Variants in AZGP1 observed in about 807,000 individuals in gnomAD.
The protein encoded by AZGP1 is zinc-alpha-2-glycoprotein.
Under a neutral mutation model 31.5 loss-of-function variants are expected in AZGP1, and 28 were observed. That is an observed-to-expected ratio of 0.89 (90% CI 0.66 to 1.22). The LOEUF (loss-of-function observed/expected upper bound fraction) is 1.22, where lower values mean the gene tolerates loss of function less well. Among genes scored for constraint, AZGP1 ranks in the 50% most tolerant of loss-of-function variants. The pLI, the probability that AZGP1 is intolerant of heterozygous loss-of-function variation, is 0.00. For synonymous variants in AZGP1, 135 were observed against 145.4 expected, an observed-to-expected ratio of 0.93 and a Z score of 0.51; for missense variants, 361 against 371.8, an observed-to-expected ratio of 0.97 and a Z score of 0.24.
rs1017238766 is a variant in AZGP1, at chr7:99,967,341, A to G, written c.614-55T>C. 12 of 1,567,354 alleles carry G rather than the reference A, an allele frequency of 7.7e-6. No homozygotes were observed. The African/African-American group carries it at 1.2e-4, about 16-fold the overall frequency. On this transcript the variant is annotated intron_variant, in intron 3 of 3. Transcript: ENST00000292401. ...GCTTGAGGTGGACTTCTCCCGGCCCAGGTCTCTTCCTACCCCCACCCCTGG... is the reference window on the plus strand; with the variant it reads ...GCTTGAGGTGGACTTCTCCCGGCCCGGGTCTCTTCCTACCCCCACCCCTGG...
intron 2 of AZGP1, among the ~76,000 whole-genome samples, chr7:99,969,612 T>C (rs1789547992): frequency 1.3e-5 from 2 of 152,002 alleles, no homozygotes; most frequent in Admixed American, 6.6e-5. Context: ...TATGAATATA[T>C]TTCTATCTCT....
chr7:99,970,499 T>C (rs1484390115), intron 2 of AZGP1, among the ~76,000 whole-genome samples: 1 of 152,128 alleles, frequency 6.6e-6, no homozygotes, highest in Non-Finnish European at 1.5e-5. Flanking sequence ...TGCCTCAGCC[T>C]CCCAAAGTGC....
At chr7:99,974,057 G>A (rs1789620278) in intron 1 of AZGP1, among the ~76,000 whole-genome samples, 1 of 152,014 alleles carries the variant, frequency 6.6e-6, no homozygotes, top group Admixed American at 6.6e-5. Flanking sequence ...TGGATCACTT[G>A]AGGTCAAGAG....
chr7:99,968,757 G>A (rs1455197721), intron 2 of AZGP1: 2 of 314,722 alleles, frequency 6.4e-6, no homozygotes, highest in Non-Finnish European at 1.2e-5. Flanking sequence ...GAGCCCAGGG[G>A]TTCCAGACCA....
rs201056403 is a variant in AZGP1, at chr7:99,968,187, A to G, written c.581T>C (p.Leu194Pro). The change falls in exon 3 of 4, where the codon CTG (leucine) becomes CCG (proline). Residue 194 changes from leucine (L) to proline (P), a missense_variant. Coordinates refer to ENST00000292401, the MANE Select transcript of AZGP1 (RefSeq NM_001185.4). ...GTCCAGGATATTTTTGCTGTATTTCAGGTATTTCCGCAGAGTCGCAGGGCA... is the reference window on the plus strand; with the variant it reads ...GTCCAGGATATTTTTGCTGTATTTCGGGTATTTCCGCAGAGTCGCAGGGCA... ...EECPATLRKY[L>P]KYSKNILDRQ... is the part of the protein sequence containing the mutation. The G allele has an allele frequency of 8.8e-5, 142 of 1,613,936 alleles. No individual in the cohort carries two copies. The highest frequency in any genetic ancestry group is 1.2e-4 in the Non-Finnish European group (139 of 1,180,000).
At position 99,968,561 on chromosome 7, in the gene AZGP1, T is replaced by C; in HGVS notation, c.338-131A>G. ...TTGCAATTCAAGCATGCAATCCCTT[T>C]ATCAAGACAAATAGGTTATTACTCC... is the stretch of plus-strand genomic sequence containing the variant. On this transcript the variant is annotated intron_variant, in intron 2 of 3. Coordinates refer to ENST00000292401, the MANE Select transcript of AZGP1 (RefSeq NM_001185.4). 1.7e-5 allele frequency: 19 copies of C among 1,146,394 alleles called. No homozygotes were observed. In the South Asian group the frequency reaches 2.7e-4, roughly 16 times the overall value. 71.0% of individuals were successfully genotyped at this position (1,146,394 alleles called of 1,614,324 possible).
chr7:99,967,669 A>T, intron 3 of AZGP1: 1 of 400,852 alleles, frequency 2.5e-6, no homozygotes, highest in Non-Finnish European at 4.5e-6. Context: ...TACGTCTCCA[A>T]TCCAAGTCTC....
chr7:99,969,773 G>C (rs563904304), intron 2 of AZGP1, among the ~76,000 whole-genome samples: 1 of 152,128 alleles, frequency 6.6e-6, no homozygotes, highest in Non-Finnish European at 1.5e-5. Flanking sequence ...TTTTCTCTCA[G>C]TTCTAGGAAG....
chr7:99,973,041 C>T (rs918124815), intron 1 of AZGP1, among the ~76,000 whole-genome samples: 2 of 150,682 alleles, frequency 1.3e-5, no homozygotes, highest in African/African-American at 2.4e-5. Flanking sequence ...GGCATGAACC[C>T]GGGAGGCGGA....
intron 2 of AZGP1, among the ~76,000 whole-genome samples, chr7:99,971,047 A>T (rs1025052605): frequency 4.6e-5 from 7 of 152,014 alleles, no homozygotes; most frequent in African/African-American, 1.4e-4. Flanking sequence ...GCTCCAAGGA[A>T]CTCTAACAGC....
At chr7:99,975,041 C>G (rs940352554) in intron 1 of AZGP1, among the ~76,000 whole-genome samples, 1 of 152,126 alleles carries the variant, frequency 6.6e-6, no homozygotes, top group Non-Finnish European at 1.5e-5. Context: ...TAGTGTGAGT[C>G]AATTTCTTAA....
In AZGP1 at chr7:99,967,014, C is replaced by A; in HGVS notation, c.886G>T (p.Glu296Ter). The A allele has an allele frequency of 6.2e-7, 1 of 1,613,580 alleles. No individual in the cohort carries two copies. Among genetic ancestry groups the A allele is most frequent in the African/African-American group, 1.3e-5 (1 of 75,036 alleles). Residue 296 changes from glutamate to a stop codon, truncating the protein, a stop_gained, in exon 4 of 4, where the codon GAG becomes TAG. Transcript: ENST00000292401. LOFTEE classifies it high-confidence loss of function. Reference protein sequence around the residue: ...SLAQPLVVPWEAS With the variant: ...SLAQPLVVPW ...CCAACCCTTGCTTCCTAGCTGGCCTCCCAGGGCACCACGAGGGGCTGGGCC... is the reference window on the plus strand; with the variant it reads ...CCAACCCTTGCTTCCTAGCTGGCCTACCAGGGCACCACGAGGGGCTGGGCC...
intron 1 of AZGP1, among the ~76,000 whole-genome samples, chr7:99,973,746 TC>T (rs1051046673): frequency 1.3e-5 from 2 of 151,296 alleles, no homozygotes; most frequent in African/African-American, 4.9e-5. Flanking sequence ...TGAAACCCCA[TC>T]TCTACTAAAA....
At chr7:99,975,802 G>T in intron 1 of AZGP1, 143 bp downstream of exon 1, 1 of 819,520 alleles carries the variant, frequency 1.2e-6, no homozygotes, top group Non-Finnish European at 2.1e-6. Flanking sequence ...TGTGTGAGCT[G>T]AGGGAGTTGA....
At position 99,968,341 on chromosome 7, in the gene AZGP1, C is replaced by T; in HGVS notation, c.427G>A (p.Asp143Asn). ...ATTTCTTTGTTGAATTCAATGTAGT[C>T]CTTTCCATCATAGTAATATTTCCAG... ...AFWKYYYDGK[D>N]YIEFNKEIPA... Residue 143 changes from aspartate (D) to asparagine (N), a missense_variant, in exon 3 of 4, where the codon GAC becomes AAC. Physicochemically the swap from Asp to Asn is conservative, Grantham distance 23 (BLOSUM62 1). Coordinates refer to ENST00000292401, the MANE Select transcript of AZGP1 (RefSeq NM_001185.4). The T allele has an allele frequency of 6.2e-7, 1 of 1,613,632 alleles. No homozygotes were observed.
At chr7:99,972,616 C>A (rs1789596198) in intron 1 of AZGP1, among the ~76,000 whole-genome samples, 1 of 152,070 alleles carries the variant, frequency 6.6e-6, no homozygotes, top group African/African-American at 2.4e-5. Context: ...AGTTGAAGAC[C>A]AGCCTGGCCA....
At chr7:99,971,706 G>T in intron 2 of AZGP1, 40 bp downstream of exon 2, 1 of 1,593,506 alleles carries the variant, frequency 6.3e-7, no homozygotes. Flanking sequence ...GCTGCCTCTT[G>T]GGTTAGACCT....
Position 99,968,174 on chromosome 7 carries a change from T to C in AZGP1, c.594A>G (p.Lys198=). 1 of 1,613,716 alleles carries C rather than the reference T, an allele frequency of 6.2e-7. No homozygotes were observed. The highest frequency in any genetic ancestry group is 8.5e-7 in the Non-Finnish European group (1 of 1,179,956). The change falls in exon 3 of 4, where the codon AAA becomes AAG. Residue 198 remains lysine (K), a synonymous_variant. Transcript: ENST00000292401. ...GAGTACCTTGCCGGTCCAGGATATT[T>C]TTGCTGTATTTCAGGTATTTCCGCA... ...ATLRKYLKYS[K]NILDRQDPPS...
chr7:99,967,165 C>T lies in AZGP1; in HGVS notation c.735G>A (p.Val245=), dbSNP rs1217314146. 5.0e-6 allele frequency: 8 copies of T among 1,614,170 alleles called. No individual in the cohort carries two copies. The highest frequency in any genetic ancestry group is 6.8e-6 in the Non-Finnish European group (8 of 1,180,034). Residue 245 remains valine (V), a synonymous_variant, in exon 4 of 4, where the codon GTG becomes GTA. Coordinates refer to ENST00000292401, the MANE Select transcript of AZGP1 (RefSeq NM_001185.4). ...IDVHWTRAGE[V]QEPELRGDVL... is the part of the protein sequence containing the mutation. The stretch of plus-strand genomic sequence containing the variant: ...CATCTCCCCGTAACTCAGGCTCCTG[C>T]ACCTCGCCGGCCCGAGTCCAGTGCA...
Sources: gnomAD v4.1 joint callset for allele counts (sites outside exome capture counted in the v4.1 genomes callset) on GRCh38, gnomAD v4.1.1 for gene constraint, MANE v1.5 for transcripts, NCBI Gene and HGNC (gene_info 2026-07-23, HGNC 2026-07-21) for gene names.